The following CNTNAP2 variants were observed in gnomAD, a reference collection of about 807,000 sequenced individuals.
CNTNAP2 encodes contactin associated protein 2, also known as contactin-associated protein-like 2.
A neutral mutation model predicts 155.2 loss-of-function variants in CNTNAP2; 98 were observed. That is an observed-to-expected ratio of 0.63 (90% confidence interval 0.54 to 0.75). The LOEUF is 0.75. Ranked by LOEUF, CNTNAP2 falls within the 30% of genes least tolerant of loss-of-function variation. The probability of loss-of-function intolerance (pLI) is 0.00; values close to 1 mark genes in which losing one functional copy is unlikely to be tolerated. For missense variants in CNTNAP2, 1,727 were observed against 1,688.1 expected, an observed-to-expected ratio of 1.02 and a Z score of -0.40; for synonymous variants, 651 against 631.2, an observed-to-expected ratio of 1.03 and a Z score of -0.47.
intron 4 of CNTNAP2, among the ~76,000 whole-genome samples, chr7:147,058,533 A>G (rs1443868401): frequency 6.6e-6 from 1 of 152,186 alleles, no homozygotes; most frequent in Non-Finnish European, 1.5e-5. Context: ...AACAGAGCAA[A>G]CAAATCAATA....
At chr7:147,195,184 TC>T (rs1439494063) in intron 8 of CNTNAP2, among the ~76,000 whole-genome samples, 2 of 152,200 alleles carry the variant, frequency 1.3e-5, no homozygotes, top group Non-Finnish European at 2.9e-5. Flanking sequence ...GGAGATCATT[TC>T]CCCATTGCTT....
At chr7:146,706,876 C>T (rs775182579) in intron 1 of CNTNAP2, among the ~76,000 whole-genome samples, 3 of 149,364 alleles carry the variant, frequency 2.0e-5, no homozygotes, top group African/African-American at 7.5e-5. Context: ...ACAAGTTTAC[C>T]TATGTAAAAA....
intron 20 of CNTNAP2, among the ~76,000 whole-genome samples, chr7:148,248,707 A>G (rs1796317799): frequency 6.6e-6 from 1 of 152,208 alleles, no homozygotes; most frequent in Non-Finnish European, 1.5e-5. Context: ...CCTGTTAGGA[A>G]CATTTGCATA....
intron 11 of CNTNAP2, among the ~76,000 whole-genome samples, chr7:147,559,625 G>A (rs1800020497): frequency 2.6e-5 from 4 of 152,104 alleles, no homozygotes; most frequent in African/African-American, 9.7e-5. Flanking sequence ...ATATTATAAT[G>A]GAAAAGAAGG....
intron 13 of CNTNAP2, among the ~76,000 whole-genome samples, chr7:147,663,787 G>T (rs73741213): frequency 0.05 from 7,608 of 152,216 alleles, 627 homozygotes; most frequent in African/African-American, 0.17. Context: ...CATACATAGT[G>T]AAATAATTAC....
At chr7:146,578,104 A>C (rs1798552936) in intron 1 of CNTNAP2, among the ~76,000 whole-genome samples, 1 of 152,162 alleles carries the variant, frequency 6.6e-6, no homozygotes, top group Non-Finnish European at 1.5e-5. Context: ...TTTAATACTG[A>C]CTACTTTTCA....
chr7:146,234,821 G>C (rs1799444876), intron 1 of CNTNAP2, among the ~76,000 whole-genome samples: 1 of 152,216 alleles, frequency 6.6e-6, no homozygotes, highest in South Asian at 2.1e-4. Context: ...TTACCAGGTA[G>C]CACTGCCACA....
At chr7:146,854,548 A>G (rs1325786811) in intron 3 of CNTNAP2, among the ~76,000 whole-genome samples, 2 of 146,198 alleles carry the variant, frequency 1.4e-5, no homozygotes, top group Non-Finnish European at 3.0e-5. Context: ...TGAAATGGTA[A>G]CCAGAGAGCT....
Position 147,620,465 on chromosome 7 carries a change from A to T in CNTNAP2, c.1898-18641A>T, listed in dbSNP as rs186777780. ...AAGGTATTCAGAATTCTATCAGATA[A>T]ATTTAACAAAGAGATTAAAATAATT... On this transcript the variant is annotated intron_variant, in intron 12 of 23. Transcript: ENST00000361727. Among the ~76,000 whole-genome samples the T allele has an allele frequency of 5.9e-5, 9 of 151,584 alleles. No individual in the cohort carries two copies. In the East Asian group the frequency reaches 1.7e-3, roughly 29 times the overall value.
rs150276352 is a variant in CNTNAP2, at chr7:146,947,953, C to T, written c.403-95954C>T. ...CAAGTTTTATAATATTTGATGTAGCCCTTAATTTTAAATGCTTTTTAAAAT... is the reference window on the plus strand; with the variant it reads ...CAAGTTTTATAATATTTGATGTAGCTCTTAATTTTAAATGCTTTTTAAAAT... On this transcript the variant is annotated intron_variant, in intron 3 of 23. Transcript: ENST00000361727. Among the ~76,000 whole-genome samples the T allele has an allele frequency of 5.2e-4, 79 of 151,708 alleles. 1 individual carries two copies. In the East Asian group the frequency reaches 0.013, roughly 25 times the overall value.
chr7:146,938,523 C>T (rs958785290), intron 3 of CNTNAP2, among the ~76,000 whole-genome samples: 2 of 151,356 alleles, frequency 1.3e-5, no homozygotes, highest in Non-Finnish European at 2.9e-5. Flanking sequence ...CTAAGAATGA[C>T]ATCACTGCAA....
chr7:147,262,769 G>A (rs1804509225), intron 8 of CNTNAP2, among the ~76,000 whole-genome samples: 1 of 152,174 alleles, frequency 6.6e-6, no homozygotes, highest in Non-Finnish European at 1.5e-5. Flanking sequence ...TCGCGCCACT[G>A]CACTCCAGCC....
At chr7:146,783,498 G>A (rs1268514629) in intron 2 of CNTNAP2, among the ~76,000 whole-genome samples, 2 of 152,084 alleles carry the variant, frequency 1.3e-5, no homozygotes, top group Non-Finnish European at 2.9e-5. Context: ...TGTAATACAG[G>A]AATATGTGTA....
intron 13 of CNTNAP2, among the ~76,000 whole-genome samples, chr7:147,790,787 T>A (rs851699): frequency 0.53 from 80,339 of 152,124 alleles, 24,272 homozygotes; most frequent in African/African-American, 0.84. Flanking sequence ...GTTTGTTGGG[T>A]AATATAAACC....
At chr7:147,092,850 T>C (rs1304411354) in intron 4 of CNTNAP2, among the ~76,000 whole-genome samples, 1 of 152,186 alleles carries the variant, frequency 6.6e-6, no homozygotes, top group Admixed American at 6.5e-5. Context: ...GCAGCAAGCA[T>C]GTCAGGAATG....
chr7:147,582,735 AT>A (rs1276811104), intron 12 of CNTNAP2, among the ~76,000 whole-genome samples: 1 of 151,882 alleles, frequency 6.6e-6, no homozygotes, highest in Non-Finnish European at 1.5e-5. Context: ...TTCTTTTCCT[AT>A]TTTTCCTCGT....
intron 8 of CNTNAP2, among the ~76,000 whole-genome samples, chr7:147,243,116 G>A (rs1006635924): frequency 3.5e-5 from 5 of 144,794 alleles, no homozygotes; most frequent in Non-Finnish European, 7.5e-5. Flanking sequence ...CCGTGCCTCA[G>A]CCTCCCAAGA....
intron 1 of CNTNAP2, among the ~76,000 whole-genome samples, chr7:146,248,371 G>C (rs1191208122): frequency 1.3e-5 from 2 of 152,134 alleles, no homozygotes; most frequent in Non-Finnish European, 2.9e-5. Flanking sequence ...CGCTAAGGGT[G>C]AAGGACCAAG....
intron 6 of CNTNAP2, among the ~76,000 whole-genome samples, chr7:147,128,203 A>G (rs1335238917): frequency 6.6e-6 from 1 of 152,172 alleles, no homozygotes. Flanking sequence ...AATTTTTGAC[A>G]ATAATGGTCA....
Sources: allele counts gnomAD v4.1 joint callset (sites outside exome capture counted in the v4.1 genomes callset), GRCh38; gene constraint gnomAD v4.1.1; transcripts MANE v1.5; gene names NCBI Gene and HGNC (gene_info 2026-07-23, HGNC 2026-07-21).